Variants in FMN2 observed in about 807,000 individuals in gnomAD.
FMN2 encodes formin-2.
In FMN2, 51 loss-of-function variants were observed where a neutral mutation model predicts 142.3. The ratio of observed to expected loss-of-function variants is 0.36; its 90% CI spans 0.29 to 0.45. FMN2 has a LOEUF of 0.45. Ranked by LOEUF, FMN2 falls within the 20% of genes least tolerant of loss-of-function variation. The pLI, the probability that FMN2 is intolerant of heterozygous loss-of-function variation, is 1.00. For missense variants in FMN2, 1,936 were observed against 2,122.8 expected (o/e 0.91, Z 1.73); for synonymous variants, 882 against 869.8 (o/e 1.01, Z -0.25).
chr1:240,236,421 T>G (rs752772700), intron 6 of FMN2, among the ~76,000 whole-genome samples: 1 of 152,208 alleles, frequency 6.6e-6, no homozygotes, highest in Non-Finnish European at 1.5e-5. Flanking sequence ...CCAGAATCAT[T>G]AGACTTTTTG....
At chr1:240,411,769 TTTAGGG>T (rs1674403037) in intron 15 of FMN2, among the ~76,000 whole-genome samples, 1 of 152,078 alleles carries the variant, frequency 6.6e-6, no homozygotes, top group Non-Finnish European at 1.5e-5. Flanking sequence ...GTCCTTCTGT[TTTAGGG>T]TTGGTCACAA....
intron 2 of FMN2, among the ~76,000 whole-genome samples, chr1:240,124,771 G>A (rs1222397173): frequency 6.6e-6 from 1 of 152,022 alleles, no homozygotes; most frequent in Admixed American, 6.6e-5. Flanking sequence ...GAGTTCAAGC[G>A]ATTCTCCTGC....
chr1:240,109,730 C>G (rs2103191965), intron 1 of FMN2, among the ~76,000 whole-genome samples: 1 of 152,184 alleles, frequency 6.6e-6, no homozygotes, highest in African/African-American at 2.4e-5. Context: ...TGTTCCACAT[C>G]AATTATAGCA....
intron 8 of FMN2, among the ~76,000 whole-genome samples, chr1:240,296,193 C>CTT (rs59482806): frequency 2.3e-4 from 28 of 121,110 alleles, no homozygotes; most frequent in African/African-American, 8.1e-4. Flanking sequence ...TTATGTAGTA[C>CTT]TTTTTTTTTT....
At position 240,413,120 on chromosome 1, in the gene FMN2, CAAAAAAAA is replaced by C. The variant is rs35590068; in HGVS notation, c.4910+20580_4910+20587del. ...CCTGGGCGACAAAGCGAGACTCTGT[CAAAAAAAA>C]AAAAAAAAAAAAAAAAAAAAAGCAG... On this transcript the variant is annotated intron_variant, in intron 15 of 17. Transcript: ENST00000319653. 2.3e-3 allele frequency among the ~76,000 whole-genome samples: 56 copies of C among 24,582 alleles called. No individual in the cohort carries two copies. The East Asian group carries it at 0.12, about 55-fold the overall frequency. The allele number at this position is 24,582 out of a possible 152,430, so 16.1% of individuals were successfully genotyped here. A position where few individuals can be genotyped will look rare whatever the true frequency, so the allele number is the denominator to read the frequency against.
chr1:240,193,254 A>T (rs1665780984), intron 4 of FMN2, among the ~76,000 whole-genome samples: 1 of 152,184 alleles, frequency 6.6e-6, no homozygotes, highest in Non-Finnish European at 1.5e-5. Flanking sequence ...TTTATTGAAC[A>T]TCTGCTGACC....
rs1661049837 is a variant in FMN2, at chr1:240,092,961, CG to C, written c.853del (p.Ala285ProfsTer167). ...TCTCCGACCTGCCCGAGAGCCTGGC[CG>C]CCGAGCCCCGGGAGCCCCAGCAACC... ...ALSDLPESLA[A>X]EPREPQQPPS... On this transcript the variant is annotated frameshift_variant, in exon 1 of 18. Transcript: ENST00000319653. LOFTEE classifies it high-confidence loss of function. 7.1e-7 allele frequency: 1 copy of C among 1,413,220 alleles called. No homozygotes were observed. Among genetic ancestry groups the C allele is most frequent in the African/African-American group, 1.5e-5 (1 of 65,946 alleles). The allele number at this position is 1,413,220 out of a possible 1,614,324, so 87.5% of individuals were successfully genotyped here.
intron 2 of FMN2, among the ~76,000 whole-genome samples, chr1:240,146,920 A>C (rs1663507007): frequency 1.3e-5 from 2 of 151,412 alleles, no homozygotes; most frequent in Non-Finnish European, 2.9e-5. Flanking sequence ...CTCATTTTGG[A>C]GATAAGCTGT....
chr1:240,227,994 TA>T (rs914288993), intron 6 of FMN2, among the ~76,000 whole-genome samples: 2 of 151,820 alleles, frequency 1.3e-5, no homozygotes, highest in African/African-American at 4.8e-5. Context: ...ACAATAATTT[TA>T]AAAAAATCTA....
chr1:240,214,902 TA>T (rs1356659051), intron 6 of FMN2, among the ~76,000 whole-genome samples: 1 of 152,056 alleles, frequency 6.6e-6, no homozygotes, highest in Non-Finnish European at 1.5e-5. Flanking sequence ...TCTGAATCTA[TA>T]AAAAATATAA....
At chr1:240,097,270 T>G (rs1266425672) in intron 1 of FMN2, among the ~76,000 whole-genome samples, 2 of 152,170 alleles carry the variant, frequency 1.3e-5, no homozygotes, top group Non-Finnish European at 2.9e-5. Flanking sequence ...TGTGGGCTGT[T>G]GGCTTCAGTC....
intron 2 of FMN2, among the ~76,000 whole-genome samples, chr1:240,125,474 A>G (rs1341792908): frequency 6.6e-6 from 1 of 152,330 alleles, no homozygotes; most frequent in East Asian, 1.9e-4. Flanking sequence ...AGAACGCTAG[A>G]ATGATGGTGT....
intron 4 of FMN2, among the ~76,000 whole-genome samples, chr1:240,192,748 G>A (rs372652840): frequency 3.3e-5 from 5 of 152,086 alleles, no homozygotes; most frequent in African/African-American, 1.2e-4. Flanking sequence ...AGGAAGGGAA[G>A]AGAAGACAGG....
chr1:240,378,696 A>T (rs917488629), intron 14 of FMN2, among the ~76,000 whole-genome samples: 3 of 152,094 alleles, frequency 2.0e-5, no homozygotes, highest in African/African-American at 7.2e-5. Flanking sequence ...CAAATTTTAC[A>T]TCTTAAAGTT....
intron 1 of FMN2, among the ~76,000 whole-genome samples, chr1:240,122,916 G>C (rs1662341500): frequency 6.6e-6 from 1 of 152,182 alleles, no homozygotes; most frequent in Non-Finnish European, 1.5e-5. Flanking sequence ...AAGCTGTATA[G>C]CCCATAACTT....
intron 7 of FMN2, among the ~76,000 whole-genome samples, chr1:240,260,118 T>A (rs1668577707): frequency 6.6e-6 from 1 of 152,210 alleles, no homozygotes; most frequent in Non-Finnish European, 1.5e-5. Flanking sequence ...TTTCATCATA[T>A]GGAATATGCC....
intron 5 of FMN2, among the ~76,000 whole-genome samples, chr1:240,210,412 C>T (rs1572069165): frequency 1.3e-5 from 2 of 152,310 alleles, no homozygotes; most frequent in South Asian, 2.1e-4. Flanking sequence ...CTACTCACTA[C>T]ACCATATCGG....
chr1:240,131,086 C>A (rs555527367), intron 2 of FMN2, among the ~76,000 whole-genome samples: 1 of 152,302 alleles, frequency 6.6e-6, no homozygotes, highest in East Asian at 1.9e-4. Context: ...GATTTCTCAA[C>A]TATGCTGCAA....
intron 6 of FMN2, among the ~76,000 whole-genome samples, chr1:240,257,001 A>G (rs574849937): frequency 1.3e-5 from 2 of 152,356 alleles, no homozygotes; most frequent in Admixed American, 1.3e-4. Flanking sequence ...AATAGCTGTT[A>G]GAGCAGCTGT....
Sources: gnomAD v4.1 joint callset for allele counts (sites outside exome capture counted in the v4.1 genomes callset) on GRCh38, gnomAD v4.1.1 for gene constraint, MANE v1.5 for transcripts, NCBI Gene and HGNC (gene_info 2026-07-23, HGNC 2026-07-21) for gene names.